REG4: variants seen among roughly 807,000 people sequenced by gnomAD.
REG4 encodes the protein regenerating islet-derived protein 4.
In REG4, 16 loss-of-function variants were observed where a neutral mutation model predicts 22.3. That is an observed-to-expected ratio of 0.72 (90% CI 0.49 to 1.09). REG4 has a LOEUF of 1.09. REG4 is among the 50% of genes least tolerant of loss of function. The pLI is 0.00. For synonymous variants in REG4, 71 were observed against 69.2 expected (o/e 1.03, Z -0.13); for missense variants, 214 against 193.9 (o/e 1.10, Z -0.61).
intron 2 of REG4, among the ~76,000 whole-genome samples, chr1:119,808,069 A>C (rs1654379687): frequency 6.6e-6 from 1 of 152,218 alleles, no homozygotes; most frequent in African/African-American, 2.4e-5. Flanking sequence ...CCTTTTCTGG[A>C]ATTCATTTTC....
At chr1:119,805,565 G>A (rs587737904) in intron 2 of REG4, among the ~76,000 whole-genome samples, 24 of 152,216 alleles carry the variant, frequency 1.6e-4, no homozygotes, top group East Asian at 3.9e-4. Context: ...AGACCACGCC[G>A]GAGCCCAGAC....
rs587604397 is a variant in REG4, at chr1:119,808,281, G to A, written c.67+422C>T. 1.3e-4 allele frequency among the ~76,000 whole-genome samples: 20 copies of A among 152,164 alleles called. No individual in the cohort carries two copies. In the South Asian group the frequency reaches 3.3e-3, roughly 25 times the overall value. ...ATGTGTGATCTATAAATGTATAAGC[G>A]CCATCTCTCTAACTAGATTGTAGGT... On this transcript the variant is annotated intron_variant, in intron 2 of 5. Coordinates refer to ENST00000256585, the MANE Select transcript of REG4 (RefSeq NM_032044.4).
At chr1:119,806,769 G>A (rs587637121) in intron 2 of REG4, among the ~76,000 whole-genome samples, 1 of 152,316 alleles carries the variant, frequency 6.6e-6, no homozygotes, top group South Asian at 2.1e-4. Flanking sequence ...TCAGCTTCTA[G>A]CATCTTGCCT....
rs182264171 is a variant in REG4 at position 119,795,171 on chromosome 1, G to A, written c.410-486C>T. Among the ~76,000 whole-genome samples, 336 of 152,256 alleles carry A rather than the reference G, an allele frequency of 2.2e-3. 2 individuals carry two copies. Among genetic ancestry groups the A allele is most frequent in the Non-Finnish European group, 2.5e-3 (170 of 68,022 alleles). On this transcript the variant is annotated intron_variant, in intron 5 of 5. Transcript: ENST00000256585. The stretch of plus-strand genomic sequence containing the variant: ...ACTACTTCTGTTTCCCTGGAGAACC[G>A]TAATACAGATACCAACTTTCCCAAT...
chr1:119,806,344 C>T (rs902502752), intron 2 of REG4, among the ~76,000 whole-genome samples: 17 of 152,148 alleles, frequency 1.1e-4, no homozygotes, highest in East Asian at 1.9e-4. Context: ...ATTATTCCTA[C>T]GTTCCAGATG....
intron 5 of REG4, among the ~76,000 whole-genome samples, chr1:119,797,321 G>A (rs1165690054): frequency 6.6e-6 from 1 of 152,118 alleles, no homozygotes. Context: ...TGCTCTCACT[G>A]GTCTGTGAAA....
chr1:119,798,377 A>G, intron 5 of REG4, 120 bp downstream of exon 5: 1 of 749,136 alleles, frequency 1.3e-6, no homozygotes, highest in Non-Finnish European at 2.4e-6. Context: ...TGCTGGAGAA[A>G]AGAGTTGTTG....
Position 119,798,536 on chromosome 1 carries a change from C to G in REG4, c.370G>C (p.Gly124Arg). Residue 124 changes from glycine (G) to arginine (R), a missense_variant, in exon 5 of 6, where the codon GGT becomes CGT. By Grantham distance (125) the Gly-to-Arg change is moderately radical (BLOSUM62 -2). Coordinates refer to ENST00000256585, the MANE Select transcript of REG4 (RefSeq NM_032044.4). ...LYRSWSGKSM[G>R]GNKHCAEMSS... ...ATCTCAGCACAGTGCTTGTTCCCAC[C>G]CATGGACTTGCCAGACCAGGATCTG... 1.2e-6 allele frequency: 2 copies of G among 1,614,172 alleles called. No individual in the cohort carries two copies. Among genetic ancestry groups the G allele is most frequent in the African/African-American group, 1.3e-5 (1 of 75,048 alleles).
intron 2 of REG4, among the ~76,000 whole-genome samples, chr1:119,804,183 A>G (rs747124710): frequency 4.6e-5 from 7 of 152,176 alleles, no homozygotes; most frequent in Non-Finnish European, 8.8e-5. Flanking sequence ...TTCCTTCCAT[A>G]AGGGAGGTCC....
intron 4 of REG4, 61 bp from the exon 5 acceptor site, chr1:119,798,663 A>C (rs934399845): frequency 1.7e-5 from 19 of 1,119,634 alleles, no homozygotes; most frequent in Non-Finnish European, 2.6e-5. Flanking sequence ...CAGCCAAGGA[A>C]GTCCCCTCAG....
intron 3 of REG4, chr1:119,801,976 G>A (rs1011138010): frequency 6.6e-6 from 1 of 152,208 alleles, no homozygotes; most frequent in South Asian, 2.1e-4. Context: ...GGTAAAGGGA[G>A]GTACCTAGGG....
At chr1:119,803,310 C>T (rs1175777290) in intron 2 of REG4, 145 bp from the exon 3 acceptor site, 1 of 770,196 alleles carries the variant, frequency 1.3e-6, no homozygotes, top group Non-Finnish European at 1.9e-6. Flanking sequence ...ATGTATACAG[C>T]TTACCCTTCT....
chr1:119,794,746 ATC>A, intron 5 of REG4, 61 bp from the exon 6 acceptor site: 1 of 1,452,834 alleles, frequency 6.9e-7, no homozygotes, highest in Non-Finnish European at 9.7e-7. Context: ...TGCCAGAGTT[ATC>A]TGGGTGTTTT....
rs1482103637 is a variant in REG4, at chr1:119,797,939, C to G, written c.409+558G>C. Among the ~76,000 whole-genome samples, 3 of 152,252 alleles carry G rather than the reference C, an allele frequency of 2.0e-5. No homozygotes were observed. In the East Asian group the frequency reaches 5.8e-4, roughly 29 times the overall value. On this transcript the variant is annotated intron_variant, in intron 5 of 5. Coordinates refer to ENST00000256585, the MANE Select transcript of REG4 (RefSeq NM_032044.4). The stretch of plus-strand genomic sequence containing the variant: ...AAAGTCTAACTCATGAGCATAAAGA[C>G]AAAGAATGAAAGCAGGCCAGAGAAA...
chr1:119,800,384 G>A (rs1299558725), intron 3 of REG4, among the ~76,000 whole-genome samples: 1 of 152,186 alleles, frequency 6.6e-6, no homozygotes. Context: ...CCTGATTTTA[G>A]AGGTGTCAGT....
At chr1:119,803,606 ACACT>A (rs1168304592) in intron 2 of REG4, among the ~76,000 whole-genome samples, 1 of 152,226 alleles carries the variant, frequency 6.6e-6, no homozygotes, top group East Asian at 1.9e-4. Flanking sequence ...GACTAGATAG[ACACT>A]CATAATTGGA....
intron 5 of REG4, among the ~76,000 whole-genome samples, chr1:119,795,363 G>A (rs1653905490): frequency 6.6e-6 from 1 of 152,204 alleles, no homozygotes; most frequent in Admixed American, 6.5e-5. Context: ...GCCCACAGCT[G>A]AGGCTCTAAG....
chr1:119,804,254 C>T (rs923163700), intron 2 of REG4, among the ~76,000 whole-genome samples: 1 of 152,200 alleles, frequency 6.6e-6, no homozygotes, highest in Non-Finnish European at 1.5e-5. Flanking sequence ...ACTACTGTCG[C>T]TTGTTTGCCC....
At chr1:119,798,717 C>A in intron 4 of REG4, 115 bp from the exon 5 acceptor site, 1 of 692,768 alleles carries the variant, frequency 1.4e-6, no homozygotes, top group Non-Finnish European at 2.5e-6. Flanking sequence ...TGGGAAAGTA[C>A]AGAAATGCTT....
Sources: allele counts gnomAD v4.1 joint callset (sites outside exome capture counted in the v4.1 genomes callset), GRCh38; gene constraint gnomAD v4.1.1; transcripts MANE v1.5; gene names NCBI Gene and HGNC (gene_info 2026-07-23, HGNC 2026-07-21).